VDAC1: variants seen among roughly 807,000 people sequenced by gnomAD.
The protein encoded by VDAC1 is voltage dependent anion channel 1.
In VDAC1, 10 loss-of-function variants were observed where a neutral mutation model predicts 34.7. That is an observed-to-expected ratio of 0.29 (90% confidence interval 0.18 to 0.49). VDAC1 has a LOEUF of 0.49. VDAC1 is among the 20% of genes least tolerant of loss of function. The pLI is 0.99. For synonymous variants in VDAC1, 130 were observed against 136.0 expected, an observed-to-expected ratio of 0.96 and a Z score of 0.30; for missense variants, 230 against 347.9, an observed-to-expected ratio of 0.66 and a Z score of 2.69.
intron 5 of VDAC1, chr5:133,989,047 G>A (rs1017559799): frequency 6.6e-6 from 1 of 152,240 alleles, no homozygotes; most frequent in African/African-American, 2.4e-5. Context: ...AAAAGGCAGT[G>A]CTCTTGCAGG....
the VDAC1 span, among the ~76,000 whole-genome samples, chr5:134,048,291 C>T: frequency 2.1e-5 from 3 of 145,674 alleles, no homozygotes; most frequent in Admixed American, 7.0e-5. Context: ...TCTTTTGAGA[C>T]AGTCTCGCTC....
chr5:134,005,715 G>T (rs1753733359), upstream of VDAC1, among the ~76,000 whole-genome samples: 1 of 152,222 alleles, frequency 6.6e-6, no homozygotes. Flanking sequence ...CGGTCACCTC[G>T]CTGCTAGGCC....
the VDAC1 span, among the ~76,000 whole-genome samples, chr5:134,044,153 C>T: frequency 6.6e-6 from 1 of 152,144 alleles, no homozygotes; most frequent in African/African-American, 2.4e-5. Flanking sequence ...GAGTTTACAC[C>T]CCCTCATTTC....
chr5:134,078,536 C>G, the VDAC1 span, among the ~76,000 whole-genome samples: 2 of 152,008 alleles, frequency 1.3e-5, no homozygotes, highest in African/African-American at 4.8e-5. Context: ...AGGATGAGTT[C>G]TGACAGATGG....
At chr5:134,001,995 C>T (rs1753577306) in intron 1 of VDAC1, among the ~76,000 whole-genome samples, 1 of 152,172 alleles carries the variant, frequency 6.6e-6, no homozygotes, top group Admixed American at 6.5e-5. Flanking sequence ...AAACCCAAAG[C>T]CGCAGACTAC....
the VDAC1 span, among the ~76,000 whole-genome samples, chr5:134,074,500 C>A: frequency 6.6e-6 from 1 of 151,924 alleles, no homozygotes. Flanking sequence ...CTTACCAATG[C>A]GAGATCACCC....
At chr5:133,988,164 T>G (rs888069121) in intron 5 of VDAC1, among the ~76,000 whole-genome samples, 9 of 152,196 alleles carry the variant, frequency 5.9e-5, no homozygotes, top group South Asian at 2.1e-4. Flanking sequence ...AACTTGCTGA[T>G]TCTGATCATT....
chr5:134,018,357 C>A, the VDAC1 span, among the ~76,000 whole-genome samples: 307 of 152,278 alleles, frequency 2.0e-3, no homozygotes, highest in African/African-American at 7.0e-3. Flanking sequence ...AAGCCATTCA[C>A]GAGGGATCTG....
At chr5:134,113,357 C>A in the VDAC1 span, among the ~76,000 whole-genome samples, 1 of 152,174 alleles carries the variant, frequency 6.6e-6, no homozygotes, top group South Asian at 2.1e-4. Context: ...CCCGGCTGGG[C>A]GGGCACAGAT....
At chr5:133,974,962 A>C (rs896538252) in intron 7 of VDAC1, among the ~76,000 whole-genome samples, 98 of 147,750 alleles carry the variant, frequency 6.6e-4, no homozygotes, top group African/African-American at 2.3e-3. Context: ...CTCAAAAAAA[A>C]AAACAAACAA....
the VDAC1 span, among the ~76,000 whole-genome samples, chr5:134,105,910 C>T: frequency 6.6e-6 from 1 of 152,254 alleles, no homozygotes; most frequent in East Asian, 1.9e-4. Context: ...TGCAGTTTGC[C>T]ATCGAAGTCA....
chr5:134,113,177 G>A, the VDAC1 span, among the ~76,000 whole-genome samples: 1 of 152,228 alleles, frequency 6.6e-6, no homozygotes, highest in South Asian at 2.1e-4. Context: ...AGCCCACCCT[G>A]GGAAGAGGCT....
At chr5:133,972,982 G>A in intron 8 of VDAC1, 120 bp from the exon 9 acceptor site, 2 of 756,362 alleles carry the variant, frequency 2.6e-6, no homozygotes, top group Non-Finnish European at 4.5e-6. Flanking sequence ...CAAACTACAT[G>A]GCCCTTCAAT....
intron 6 of VDAC1, among the ~76,000 whole-genome samples, chr5:133,979,424 C>CTTTTTTTTTCTTTT (rs1752602872): frequency 1.2e-5 from 1 of 80,992 alleles, no homozygotes; most frequent in Non-Finnish European, 2.1e-5. Flanking sequence ...ATTTTCTTTG[C>CTTTTTTTTTCTTTT]TTTTTTTTTT....
the VDAC1 span, among the ~76,000 whole-genome samples, chr5:134,074,963 T>G: frequency 0.43 from 65,818 of 151,766 alleles, 15,113 homozygotes; most frequent in Non-Finnish European, 0.52. Flanking sequence ...GTCCTAGCCC[T>G]CCTCTCTACT....
At chr5:134,085,617 G>A in the VDAC1 span, among the ~76,000 whole-genome samples, 1 of 148,888 alleles carries the variant, frequency 6.7e-6, no homozygotes, top group Non-Finnish European at 1.5e-5. Context: ...GCCAGGCGCA[G>A]TGGCTCACGC....
At chr5:134,034,176 C>T in the VDAC1 span, among the ~76,000 whole-genome samples, 3 of 57,826 alleles carry the variant, frequency 5.2e-5, no homozygotes, top group Admixed American at 1.9e-4. Context: ...GGCTGTGTCA[C>T]GCGCAAAAAA....
At chr5:134,050,706 A>G in the VDAC1 span, among the ~76,000 whole-genome samples, 85 of 152,364 alleles carry the variant, frequency 5.6e-4, no homozygotes, top group South Asian at 0.017. Flanking sequence ...ACTTCTTGAA[A>G]AACTCAAAGG....
chr5:134,024,601 TA>T, the VDAC1 span, among the ~76,000 whole-genome samples: 283 of 138,178 alleles, frequency 2.0e-3, no homozygotes, highest in Admixed American at 2.4e-3. Context: ...GATAGAAACT[TA>T]AAAAAAAAAA....
Sources: gnomAD v4.1 joint callset for allele counts (sites outside exome capture counted in the v4.1 genomes callset) on GRCh38, gnomAD v4.1.1 for gene constraint, MANE v1.5 for transcripts, NCBI Gene and HGNC (gene_info 2026-07-23, HGNC 2026-07-21) for gene names.